SVIL: variants seen among roughly 807,000 people sequenced by gnomAD.
The protein encoded by SVIL is archvillin.
SVIL carries 101 observed loss-of-function variants against 240.4 expected under a neutral mutation model. The ratio of observed to expected loss-of-function variants is 0.42; its 90% CI spans 0.36 to 0.50. SVIL has a LOEUF of 0.50. Among genes scored for constraint, SVIL ranks in the 20% least tolerant of loss-of-function variants. The probability of loss-of-function intolerance (pLI) is 0.01; values close to 1 mark genes in which losing one functional copy is unlikely to be tolerated. For synonymous variants in SVIL, 999 were observed against 1,100.0 expected (o/e 0.91, Z 1.82); for missense variants, 2,512 against 2,818.7 (o/e 0.89, Z 2.46).
At chr10:29,512,259 T>A (rs1949891704) in intron 17 of SVIL, among the ~76,000 whole-genome samples, 1 of 152,248 alleles carries the variant, frequency 6.6e-6, no homozygotes, top group South Asian at 2.1e-4. Context: ...GCATAGCTAC[T>A]CATGAAACAC....
chr10:29,597,144 G>A (rs932634408), intron 1 of SVIL, among the ~76,000 whole-genome samples: 4 of 152,216 alleles, frequency 2.6e-5, no homozygotes, highest in African/African-American at 4.8e-5. Context: ...GCAGACCCCA[G>A]GGAGAAGCAA....
chr10:29,555,931 G>A (rs560488161), intron 3 of SVIL, among the ~76,000 whole-genome samples: 4 of 152,316 alleles, frequency 2.6e-5, no homozygotes, highest in Admixed American at 6.5e-5. Context: ...ATTAGCTACA[G>A]TTTAGATGAA....
chr10:29,524,544 T>G lies in SVIL; in HGVS notation c.2514A>C (p.Arg838Ser). 1.2e-6 allele frequency: 2 copies of G among 1,614,164 alleles called. No individual in the cohort carries two copies. The highest frequency in any genetic ancestry group is 1.7e-6 in the Non-Finnish European group (2 of 1,180,040). ...TCATTCTCCTCTGTCTCGTGTCTATTCTGTTCCGGGTAGAAATCGCTTTTG... is the reference window on the plus strand; with the variant it reads ...TCATTCTCCTCTGTCTCGTGTCTATGCTGTTCCGGGTAGAAATCGCTTTTG... ...PVSKAISTRN[R>S]IDTRQRRMNA... The change falls in exon 14 of 38, where the codon AGA becomes AGC. Residue 838 changes from arginine (R) to serine (S), a missense_variant. Arg to Ser is a moderately radical substitution (Grantham distance 110, BLOSUM62 -1). Around this residue, in one of 3 missense-constraint regions of SVIL, gnomAD observed 1,443 missense variants for 1,486.6 expected, o/e 0.97. Transcript: ENST00000355867.
chr10:29,676,393 T>TGTGC (rs548488821), intron 2 of SVIL, among the ~76,000 whole-genome samples: 264 of 152,184 alleles, frequency 1.7e-3, no homozygotes, highest in African/African-American at 3.8e-3. Context: ...TGTGTGTGTG[T>TGTGC]GCGCACACGC....
At chr10:29,655,848 C>T (rs1026747326) in intron 3 of SVIL, among the ~76,000 whole-genome samples, 6 of 150,114 alleles carry the variant, frequency 4.0e-5, no homozygotes, top group African/African-American at 1.5e-4. Context: ...CCTTCTATTC[C>T]TAGTCTGTTG....
intron 1 of SVIL, among the ~76,000 whole-genome samples, chr10:29,715,402 G>T (rs1022522613): frequency 6.6e-6 from 1 of 152,194 alleles, no homozygotes; most frequent in Non-Finnish European, 1.5e-5. Context: ...TCTCGTGATT[G>T]GTGTGAAAAT....
chr10:29,661,346 AAG>A (rs1959156974), intron 2 of SVIL, among the ~76,000 whole-genome samples: 1 of 152,222 alleles, frequency 6.6e-6, no homozygotes, highest in South Asian at 2.1e-4. Flanking sequence ...ATAAAAAAGC[AAG>A]AATACAAACA....
At chr10:29,494,120 A>G (rs1948214234) in intron 20 of SVIL, among the ~76,000 whole-genome samples, 2 of 152,138 alleles carry the variant, frequency 1.3e-5, no homozygotes, top group Admixed American at 1.3e-4. Context: ...GTGAGCTATG[A>G]TGGCACCACT....
chr10:29,639,469 CTTTTTT>C (rs138064127), upstream of SVIL, among the ~76,000 whole-genome samples: 2 of 125,454 alleles, frequency 1.6e-5, no homozygotes, highest in Non-Finnish European at 3.3e-5. Context: ...GCGCCTGGCC[CTTTTTT>C]TTTTTTTTTT....
At position 29,532,855 on chromosome 10, in the gene SVIL, G is replaced by A; in HGVS notation, c.1512C>T (p.His504=). 6.2e-7 allele frequency: 1 copy of A among 1,614,210 alleles called. No individual in the cohort carries two copies. The highest frequency in any genetic ancestry group is 8.5e-7 in the Non-Finnish European group (1 of 1,180,046). Residue 504 remains histidine (H), a synonymous_variant, in exon 8 of 38, where the codon CAC becomes CAT. Transcript: ENST00000355867. ...ENVAQPPQAP[H]QPTERTGRSE... ...TCCTGCCTGTCCTCTCAGTGGGCTG[G>A]TGCGGAGCTTGAGGGGGTTGTGCCA...
At chr10:29,573,505 T>G (rs10826661) in intron 1 of SVIL, among the ~76,000 whole-genome samples, 31,984 of 151,946 alleles carry the variant, frequency 0.21, 5,138 homozygotes, top group African/African-American at 0.45. Context: ...TTTGAAAAAT[T>G]TTCATTTACT....
intron 30 of SVIL, chr10:29,473,537 G>A (rs2132320615): frequency 4.7e-6 from 2 of 426,452 alleles, no homozygotes; most frequent in East Asian, 4.9e-5. Flanking sequence ...TACTTACAGT[G>A]CCTTGATTGG....
At position 29,484,435 on chromosome 10, in the gene SVIL, T is replaced by C. The variant is rs1176374489; in HGVS notation, c.4955+221A>G. Among the ~76,000 whole-genome samples, 2 of 152,192 alleles carry C rather than the reference T, an allele frequency of 1.3e-5. No homozygotes were observed. The highest frequency in any genetic ancestry group is 2.4e-5 in the African/African-American group (1 of 41,450). ...CTTGCTCACTTCAAGAAATCAACTA[T>C]AACAAACCTCTTCCAGAAGACTACG... is the stretch of plus-strand genomic sequence containing the variant. On this transcript the variant is annotated intron_variant, in intron 27 of 37. Coordinates refer to ENST00000355867, the MANE Select transcript of SVIL (RefSeq NM_021738.3). This position sits in a 1 kb window ranked among gnomAD's most constrained non-coding sequence, Gnocchi z 4.7.
chr10:29,736,182 C>T (rs1355748000), upstream of SVIL, among the ~76,000 whole-genome samples: 2 of 152,206 alleles, frequency 1.3e-5, no homozygotes, highest in Non-Finnish European at 2.9e-5. Flanking sequence ...CGAACTCGCG[C>T]CCGGAGCCGA....
At chr10:29,579,253 C>T (rs185451286) in intron 1 of SVIL, among the ~76,000 whole-genome samples, 2 of 151,856 alleles carry the variant, frequency 1.3e-5, no homozygotes, top group Non-Finnish European at 2.9e-5. Context: ...CTGGCTAACG[C>T]GGTGAAACCC....
chr10:29,680,467 C>T (rs984534423), intron 2 of SVIL, among the ~76,000 whole-genome samples: 3 of 152,194 alleles, frequency 2.0e-5, no homozygotes, highest in Admixed American at 6.5e-5. Context: ...TACAGCATGG[C>T]GCATGGGCAG....
chr10:29,486,328 C>T, intron 25 of SVIL, 82 bp downstream of exon 25: 1 of 1,591,936 alleles, frequency 6.3e-7, no homozygotes, highest in Non-Finnish European at 8.6e-7. Flanking sequence ...ATTTTATTTA[C>T]AATGTAAAAT....
chr10:29,635,245 T>TA (rs1049448208), upstream of SVIL, among the ~76,000 whole-genome samples: 1 of 152,022 alleles, frequency 6.6e-6, no homozygotes, highest in African/African-American at 2.4e-5. Context: ...TTTTTTAGGC[T>TA]AAAAAAAGAG....
chr10:29,734,383 A>G (rs1964780414), intron 1 of SVIL, among the ~76,000 whole-genome samples: 1 of 152,212 alleles, frequency 6.6e-6, no homozygotes, highest in African/African-American at 2.4e-5. Context: ...AGCGCTCTTC[A>G]GTAACCGACT....
Sources: allele counts gnomAD v4.1 joint callset (sites outside exome capture counted in the v4.1 genomes callset), GRCh38; gene constraint gnomAD v4.1.1; regional missense constraint gnomAD v4.1.1; non-coding constraint Gnocchi (gnomAD v3.1); transcripts MANE v1.5; gene names NCBI Gene and HGNC (gene_info 2026-07-23, HGNC 2026-07-21).